The following ILDR1 variants were observed in gnomAD, a reference collection of about 807,000 sequenced individuals.
ILDR1 encodes immunoglobulin-like domain-containing receptor 1.
A neutral mutation model predicts 62.4 loss-of-function variants in ILDR1; 56 were observed. The observed-to-expected ratio is 0.90, with a 90% confidence interval of 0.72 to 1.12. ILDR1 has a LOEUF of 1.12. Ranked by LOEUF, ILDR1 falls within the 50% of genes most tolerant of loss-of-function variation. ILDR1 has a pLI of 0.00. For synonymous variants in ILDR1, 284 were observed against 277.8 expected, an observed-to-expected ratio of 1.02 and a Z score of -0.22; for missense variants, 736 against 710.6, an observed-to-expected ratio of 1.04 and a Z score of -0.41.
intron 7 of ILDR1, 92 bp from the exon 8 acceptor site, chr3:121,988,500 C>T: frequency 9.5e-7 from 1 of 1,047,522 alleles, no homozygotes; most frequent in African/African-American, 1.6e-5. Context: ...ATTTACAAAT[C>T]CTAAGTGGGT....
intron 7 of ILDR1, 32 bp from the exon 8 acceptor site, chr3:121,988,440 A>T: frequency 5.7e-6 from 9 of 1,592,378 alleles, no homozygotes; most frequent in Non-Finnish European, 6.9e-6. Context: ...ACACAAAAAA[A>T]ATCCAGTCAG....
the ILDR1 span, among the ~76,000 whole-genome samples, chr3:122,061,329 C>T: frequency 6.4e-4 from 98 of 152,098 alleles, 1 homozygote; most frequent in South Asian, 8.3e-4. Context: ...ATTGCTGATA[C>T]TTTTTTTCAA....
the ILDR1 span, among the ~76,000 whole-genome samples, chr3:122,042,735 G>A: frequency 6.6e-6 from 1 of 152,084 alleles, no homozygotes; most frequent in Non-Finnish European, 1.5e-5. Flanking sequence ...GTCTGTTCAT[G>A]TCCTTCGCCC....
chr3:122,003,429 A>C (rs1485830135), intron 3 of ILDR1, among the ~76,000 whole-genome samples: 1 of 152,216 alleles, frequency 6.6e-6, no homozygotes, highest in African/African-American at 2.4e-5. Flanking sequence ...AAAAATGATG[A>C]AAGTGCTTTT....
chr3:122,047,786 C>T, the ILDR1 span, among the ~76,000 whole-genome samples: 137 of 152,360 alleles, frequency 9.0e-4, no homozygotes, highest in Non-Finnish European at 1.4e-3. Context: ...GCACAGTGCA[C>T]GCACCCACTG....
intron 4 of ILDR1, 50 bp from the exon 5 acceptor site, chr3:122,001,504 G>A: frequency 6.2e-7 from 1 of 1,600,994 alleles, no homozygotes; most frequent in Non-Finnish European, 8.6e-7. Flanking sequence ...CAGGGGGAGG[G>A]AATACTTCCA....
the ILDR1 span, among the ~76,000 whole-genome samples, chr3:122,034,790 C>T: frequency 2.6e-5 from 4 of 152,156 alleles, no homozygotes; most frequent in Non-Finnish European, 1.5e-5. Flanking sequence ...ACAATCATGG[C>T]AGAAAGCAAG....
chr3:122,018,406 A>AGGG (rs2071808965), intron 1 of ILDR1, among the ~76,000 whole-genome samples: 1 of 99,460 alleles, frequency 1.0e-5, no homozygotes, highest in African/African-American at 3.8e-5. Flanking sequence ...GGGGGGGGGT[A>AGGG]GGGGAGGGAT....
At chr3:122,007,294 G>C in intron 1 of ILDR1, 133 bp from the exon 2 acceptor site, 2 of 1,548,454 alleles carry the variant, frequency 1.3e-6, no homozygotes, top group Non-Finnish European at 1.7e-6. Flanking sequence ...ACAGAGTCTG[G>C]GTTCTTACTC....
chr3:122,041,979 A>C, the ILDR1 span, among the ~76,000 whole-genome samples: 32 of 142,178 alleles, frequency 2.3e-4, no homozygotes, highest in Middle Eastern at 7.0e-3. Context: ...GGTTAGTTAC[A>C]TATGTATACA....
chr3:122,019,502 T>G (rs2071827014), intron 1 of ILDR1, among the ~76,000 whole-genome samples: 1 of 152,176 alleles, frequency 6.6e-6, no homozygotes. Flanking sequence ...GATCTTCAGT[T>G]TGATCTTGAC....
At position 122,001,292 on chromosome 3, in the gene ILDR1, G is replaced by A. The variant is rs748439356; in HGVS notation, c.646+16C>T. The A allele has an allele frequency of 5.3e-5, 86 of 1,613,986 alleles. No individual in the cohort carries two copies. The Middle Eastern group carries it at 8.2e-4, about 15-fold the overall frequency. On this transcript the variant is annotated intron_variant, in intron 5 of 7. Coordinates refer to ENST00000344209, the MANE Select transcript of ILDR1 (RefSeq NM_001199799.2). Reference sequence around the variant, plus strand: ...CCTAATCCACTCCATTCCACTGCTTGTCTGTCCCCTCTCACCTTCCTCAGG... The same window carrying A: ...CCTAATCCACTCCATTCCACTGCTTATCTGTCCCCTCTCACCTTCCTCAGG...
the ILDR1 span, among the ~76,000 whole-genome samples, chr3:122,029,509 A>ATATATATATATATAT: frequency 2.5e-4 from 28 of 113,524 alleles, no homozygotes; most frequent in African/African-American, 9.5e-4. Flanking sequence ...CCGTCTAAAA[A>ATATATATATATATAT]AAATATATAT....
At chr3:122,015,303 C>A (rs1167219073) in intron 1 of ILDR1, among the ~76,000 whole-genome samples, 4 of 152,200 alleles carry the variant, frequency 2.6e-5, no homozygotes, top group Non-Finnish European at 4.4e-5. Flanking sequence ...AAACTTGGGC[C>A]TCTCCCACAT....
At chr3:122,000,608 C>G (rs2071507531) in intron 5 of ILDR1, among the ~76,000 whole-genome samples, 1 of 152,228 alleles carries the variant, frequency 6.6e-6, no homozygotes, top group Non-Finnish European at 1.5e-5. Flanking sequence ...GTGAACTGCT[C>G]TAGCAAATTA....
At chr3:121,990,560 A>G (rs548551669) in intron 7 of ILDR1, among the ~76,000 whole-genome samples, 1 of 152,346 alleles carries the variant, frequency 6.6e-6, no homozygotes, top group Non-Finnish European at 1.5e-5. Context: ...AAGTCACCAG[A>G]AGATATCATT....
the ILDR1 span, among the ~76,000 whole-genome samples, chr3:122,045,545 G>A: frequency 2.0e-5 from 3 of 149,928 alleles, no homozygotes; most frequent in African/African-American, 7.3e-5. Flanking sequence ...ATTAATGTGT[G>A]GGAGTCTAAG....
chr3:122,024,462 G>A (rs1453090142), upstream of ILDR1, among the ~76,000 whole-genome samples: 1 of 152,204 alleles, frequency 6.6e-6, no homozygotes, highest in Non-Finnish European at 1.5e-5. Flanking sequence ...ATTAGAATTA[G>A]AATTTCCTTA....
chr3:122,023,850 C>T (rs2071898558), upstream of ILDR1, among the ~76,000 whole-genome samples: 1 of 151,994 alleles, frequency 6.6e-6, no homozygotes, highest in South Asian at 2.1e-4. Flanking sequence ...AGGGTCAGGT[C>T]CCTCAACCCC....
Sources: allele counts gnomAD v4.1 joint callset (sites outside exome capture counted in the v4.1 genomes callset), GRCh38; gene constraint gnomAD v4.1.1; transcripts MANE v1.5; gene names NCBI Gene and HGNC (gene_info 2026-07-23, HGNC 2026-07-21).